PTPRD: variants seen among roughly 807,000 people sequenced by gnomAD.
The protein encoded by PTPRD is protein tyrosine phosphatase receptor type D, also known as receptor-type tyrosine-protein phosphatase delta.
PTPRD carries 34 observed loss-of-function variants against 214.5 expected under a neutral mutation model. The observed-to-expected ratio is 0.16, with a 90% CI of 0.12 to 0.21. The LOEUF (loss-of-function observed/expected upper bound fraction) is 0.21, where lower values mean the gene tolerates loss of function less well. Ranked by LOEUF, PTPRD falls within the 10% of genes least tolerant of loss-of-function variation. The probability of loss-of-function intolerance (pLI) is 1.00; values close to 1 mark genes in which losing one functional copy is unlikely to be tolerated. For synonymous variants in PTPRD, 1,128 were observed against 845.7 expected, an observed-to-expected ratio of 1.33 and a Z score of -5.79; for missense variants, 2,545 against 2,398.7, an observed-to-expected ratio of 1.06 and a Z score of -1.27.
chr9:8,911,081 C>T (rs1233330793), intron 11 of PTPRD, among the ~76,000 whole-genome samples: 1 of 152,176 alleles, frequency 6.6e-6, no homozygotes, highest in Non-Finnish European at 1.5e-5. Flanking sequence ...CATTTCAACA[C>T]AGTCAAAATG....
intron 31 of PTPRD, among the ~76,000 whole-genome samples, chr9:8,470,338 A>G (rs2134858272): frequency 6.6e-6 from 1 of 152,228 alleles, no homozygotes; most frequent in Non-Finnish European, 1.5e-5. Flanking sequence ...AAATGTCCTT[A>G]TACAAGAAGA....
At chr9:9,845,151 T>C (rs1173363155) in intron 5 of PTPRD, among the ~76,000 whole-genome samples, 1 of 39,482 alleles carries the variant, frequency 2.5e-5, no homozygotes, top group African/African-American at 7.7e-5. Flanking sequence ...TATATATTGC[T>C]CTATATATAG....
intron 9 of PTPRD, among the ~76,000 whole-genome samples, chr9:9,297,935 C>T (rs1022782131): frequency 1.4e-4 from 21 of 151,392 alleles, no homozygotes; most frequent in South Asian, 6.2e-4. Context: ...AGTATTCTTC[C>T]GTTTTATAGA....
At chr9:10,302,215 C>T (rs764853369) in intron 3 of PTPRD, among the ~76,000 whole-genome samples, 7 of 152,156 alleles carry the variant, frequency 4.6e-5, no homozygotes, top group Non-Finnish European at 1.0e-4. Flanking sequence ...CAAGCAAATG[C>T]TGAGAGATTT....
chr9:10,182,676 C>T lies in PTPRD; in HGVS notation c.-544-148886G>A, dbSNP rs146842392. On this transcript the variant is annotated intron_variant, in intron 3 of 45. Coordinates refer to ENST00000381196, the MANE Select transcript of PTPRD (RefSeq NM_002839.4). ...AAATGGACAGTAAAACACTTGATTT[C>T]ACTTTATAAACAGTAGTTTGGCAAA... Among the ~76,000 whole-genome samples, 8 of 152,220 alleles carry T rather than the reference C, an allele frequency of 5.3e-5. No homozygotes were observed. The East Asian group carries it at 1.2e-3, about 22-fold the overall frequency.
chr9:8,476,808 C>G (rs770450038), intron 30 of PTPRD, among the ~76,000 whole-genome samples: 43 of 152,112 alleles, frequency 2.8e-4, no homozygotes, highest in Non-Finnish European at 1.9e-4. Context: ...GGAATTAATG[C>G]CTCTCCTAAG....
At chr9:8,491,233 T>C (rs1019837699) in intron 27 of PTPRD, among the ~76,000 whole-genome samples, 1 of 152,212 alleles carries the variant, frequency 6.6e-6, no homozygotes, top group East Asian at 1.9e-4. Flanking sequence ...GGATCTAAAA[T>C]TGTGAATGAA....
At chr9:10,398,788 A>G (rs1486674263) in intron 2 of PTPRD, among the ~76,000 whole-genome samples, 1 of 151,976 alleles carries the variant, frequency 6.6e-6, no homozygotes, top group Admixed American at 6.6e-5. Context: ...TCAAAGTGCT[A>G]TCATATAATT....
At chr9:10,438,008 C>CATATATATATTATATATATATATA (rs2098732416) in intron 2 of PTPRD, among the ~76,000 whole-genome samples, 2 of 125,128 alleles carry the variant, frequency 1.6e-5, no homozygotes, top group African/African-American at 7.7e-5. Flanking sequence ...CCTAAGTCTA[C>CATATATATATTATATATATATATA]ATATATATAT....
At chr9:8,482,538 G>T (rs58706764) in intron 30 of PTPRD, among the ~76,000 whole-genome samples, 6,124 of 152,044 alleles carry the variant, frequency 0.04, 413 homozygotes, top group African/African-American at 0.14. Context: ...ACTTGAGGGT[G>T]TGAGATAGAA....
intron 12 of PTPRD, among the ~76,000 whole-genome samples, chr9:8,674,296 A>G (rs1009925625): frequency 6.6e-6 from 1 of 151,970 alleles, no homozygotes; most frequent in Non-Finnish European, 1.5e-5. Flanking sequence ...CGTCTCTACT[A>G]AAAACACAAA....
At chr9:9,411,623 G>C (rs564481271) in intron 8 of PTPRD, among the ~76,000 whole-genome samples, 26 of 152,266 alleles carry the variant, frequency 1.7e-4, no homozygotes, top group African/African-American at 5.1e-4. Context: ...TGTATGCTGC[G>C]AAGTTGAAAG....
At chr9:9,679,628 C>A (rs2097021838) in intron 7 of PTPRD, among the ~76,000 whole-genome samples, 1 of 151,782 alleles carries the variant, frequency 6.6e-6, no homozygotes, top group African/African-American at 2.4e-5. Flanking sequence ...ATGAAGTAGT[C>A]ATTAAACAAA....
intron 9 of PTPRD, among the ~76,000 whole-genome samples, chr9:9,195,002 T>C (rs1316250496): frequency 2.0e-5 from 3 of 150,392 alleles, no homozygotes; most frequent in South Asian, 4.2e-4. Context: ...TGTGTGTGTA[T>C]ACAGATACCT....
intron 2 of PTPRD, among the ~76,000 whole-genome samples, chr9:10,430,910 G>A (rs1324112396): frequency 6.6e-6 from 1 of 151,756 alleles, no homozygotes; most frequent in East Asian, 1.9e-4. Flanking sequence ...TTGATTATAT[G>A]GACATATTTT....
intron 14 of PTPRD, 94 bp from the exon 15 acceptor site, chr9:8,528,873 T>G: frequency 8.0e-7 from 1 of 1,252,334 alleles, no homozygotes; most frequent in Non-Finnish European, 1.1e-6. Flanking sequence ...CCTTACTCAG[T>G]GCTTGTTGAG....
intron 9 of PTPRD, among the ~76,000 whole-genome samples, chr9:9,338,106 T>C (rs1404390482): frequency 1.3e-5 from 2 of 152,184 alleles, no homozygotes; most frequent in Non-Finnish European, 1.5e-5. Flanking sequence ...CCCCATACAA[T>C]GACAAATAGT....
intron 3 of PTPRD, among the ~76,000 whole-genome samples, chr9:10,125,480 C>T (rs1243111427): frequency 1.4e-5 from 2 of 140,360 alleles, no homozygotes; most frequent in East Asian, 4.1e-4. Flanking sequence ...TTTGAGACAG[C>T]GTCTTGCTCT....
chr9:8,826,113 G>C (rs540040023), intron 11 of PTPRD, among the ~76,000 whole-genome samples: 1 of 152,020 alleles, frequency 6.6e-6, no homozygotes, highest in Admixed American at 6.6e-5. Flanking sequence ...ATAAAGGCCT[G>C]TATCTGTCCT....
Sources: gnomAD v4.1 joint callset for allele counts (sites outside exome capture counted in the v4.1 genomes callset) on GRCh38, gnomAD v4.1.1 for gene constraint, MANE v1.5 for transcripts, NCBI Gene and HGNC (gene_info 2026-07-23, HGNC 2026-07-21) for gene names.